ACYP2: variants seen among roughly 807,000 people sequenced by gnomAD.
ACYP2 encodes acylphosphatase-2.
ACYP2 carries 12 observed loss-of-function variants against 11.2 expected under a neutral mutation model. The ratio of observed to expected loss-of-function variants is 1.08; its 90% CI spans 0.69 to 1.74. ACYP2 has a LOEUF of 1.74. Ranked by LOEUF, ACYP2 falls within the 40% of genes most tolerant of loss-of-function variation. ACYP2 has a pLI of 0.00. For missense variants in ACYP2, 134 were observed against 101.9 expected (o/e 1.31, Z -1.35); for synonymous variants, 43 against 32.2 (o/e 1.33, Z -1.13).
chr2:54,000,462 C>G (rs1288267468), intron 2 of ACYP2, among the ~76,000 whole-genome samples: 2 of 152,270 alleles, frequency 1.3e-5, no homozygotes, highest in South Asian at 2.1e-4. Context: ...TTTGAATTCT[C>G]CATTTCTAAG....
At chr2:54,255,248 G>A (rs1687439522) in intron 6 of ACYP2, 3 of 1,614,052 alleles carry the variant, frequency 1.9e-6, no homozygotes, top group East Asian at 2.2e-5. Context: ...CTGAAGTAAG[G>A]GTTTCTTTGA....
At chr2:54,096,063 C>G (rs1462060770) in intron 4 of ACYP2, among the ~76,000 whole-genome samples, 3 of 133,788 alleles carry the variant, frequency 2.2e-5, no homozygotes, top group African/African-American at 8.6e-5. Flanking sequence ...CTGACCCCCA[C>G]CTCCCTCCCG....
intron 4 of ACYP2, among the ~76,000 whole-genome samples, chr2:54,097,402 T>C (rs1041914450): frequency 1.2e-4 from 19 of 152,372 alleles, no homozygotes; most frequent in Non-Finnish European, 2.1e-4. Context: ...TAAGTATTCA[T>C]TGAATAAATG....
chr2:54,224,575 G>A (rs1443898288), intron 6 of ACYP2, among the ~76,000 whole-genome samples: 1 of 152,216 alleles, frequency 6.6e-6, no homozygotes, highest in Admixed American at 6.5e-5. Flanking sequence ...ATGTAAAATA[G>A]GTGAAGGGTG....
intron 6 of ACYP2, among the ~76,000 whole-genome samples, chr2:54,277,285 C>T (rs565224369): frequency 1.3e-5 from 2 of 152,328 alleles, no homozygotes; most frequent in Non-Finnish European, 1.5e-5. Flanking sequence ...CCTTTTCCCT[C>T]CTAGGAGACA....
chr2:54,065,224 C>T (rs75833613), intron 4 of ACYP2, among the ~76,000 whole-genome samples: 15,857 of 152,080 alleles, frequency 0.1, 950 homozygotes, highest in East Asian at 0.28. Flanking sequence ...CATTTGAAAT[C>T]GTTATTACTG....
intron 4 of ACYP2, among the ~76,000 whole-genome samples, chr2:54,074,087 C>A (rs1677202236): frequency 6.6e-6 from 1 of 152,142 alleles, no homozygotes; most frequent in African/African-American, 2.4e-5. Flanking sequence ...TACCTGTAAT[C>A]CCAGCACTTT....
At chr2:54,001,549 A>G (rs1672802805) in intron 2 of ACYP2, among the ~76,000 whole-genome samples, 1 of 152,106 alleles carries the variant, frequency 6.6e-6, no homozygotes, top group Non-Finnish European at 1.5e-5. Flanking sequence ...GCATGCCACC[A>G]AGCCCAGCTG....
chr2:53,999,688 C>T (rs1672718657), intron 2 of ACYP2, among the ~76,000 whole-genome samples: 2 of 152,106 alleles, frequency 1.3e-5, no homozygotes. Flanking sequence ...AAATTAATCC[C>T]CTGGTCTATT....
chr2:54,069,471 G>C (rs1676907967), intron 4 of ACYP2, among the ~76,000 whole-genome samples: 1 of 151,946 alleles, frequency 6.6e-6, no homozygotes, highest in Non-Finnish European at 1.5e-5. Flanking sequence ...GACCATCTTT[G>C]CTAACACGGT....
chr2:54,266,113 G>T (rs10205866), intron 6 of ACYP2, among the ~76,000 whole-genome samples: 1 of 151,996 alleles, frequency 6.6e-6, no homozygotes, highest in African/African-American at 2.4e-5. Flanking sequence ...GGTCAAAAAG[G>T]AAATAAATAA....
chr2:54,300,798 A>G (rs966731631), intron 6 of ACYP2, among the ~76,000 whole-genome samples: 9 of 152,202 alleles, frequency 5.9e-5, no homozygotes, highest in African/African-American at 7.2e-5. Flanking sequence ...AAGCTGTACA[A>G]TTTTGCACTC....
In ACYP2 at chr2:53,974,923, C is replaced by T. The variant is rs542108161; in HGVS notation, c.62+1113C>T. Among the ~76,000 whole-genome samples the T allele has an allele frequency of 3.1e-4, 47 of 152,202 alleles. No individual in the cohort carries two copies. In the South Asian group the frequency reaches 3.9e-3, roughly 13 times the overall value. ...TAATAGGGAAGGAGAAGAGAGATGT[C>T]AAGACACTTACATGCTGATGAGCTA... On this transcript the variant is annotated intron_variant, in intron 2 of 6. Transcript: ENST00000607452.
intron 4 of ACYP2, among the ~76,000 whole-genome samples, chr2:54,126,621 A>G (rs1572815453): frequency 6.7e-6 from 1 of 149,346 alleles, no homozygotes; most frequent in East Asian, 1.9e-4. Flanking sequence ...AAAAAAGCAT[A>G]AAACAAATTA....
chr2:54,008,860 T>C (rs1269613055), intron 2 of ACYP2, among the ~76,000 whole-genome samples: 1 of 152,014 alleles, frequency 6.6e-6, no homozygotes, highest in Non-Finnish European at 1.5e-5. Flanking sequence ...GTCAAAAAAA[T>C]ATTTCAGGCA....
chr2:54,085,492 T>C (rs1300595973), intron 4 of ACYP2, among the ~76,000 whole-genome samples: 1 of 152,240 alleles, frequency 6.6e-6, no homozygotes, highest in Non-Finnish European at 1.5e-5. Flanking sequence ...AATGTGTATA[T>C]AGCTCACATT....
chr2:54,153,321 G>T (rs1003204814), intron 6 of ACYP2, among the ~76,000 whole-genome samples: 1 of 151,780 alleles, frequency 6.6e-6, no homozygotes, highest in East Asian at 1.9e-4. Flanking sequence ...TCTCTATCCT[G>T]TTCCATTGGA....
intron 2 of ACYP2, among the ~76,000 whole-genome samples, chr2:54,013,165 C>G (rs1673473252): frequency 7.6e-6 from 1 of 130,762 alleles, no homozygotes; most frequent in Non-Finnish European, 1.6e-5. Context: ...CACCTGCCCC[C>G]ACCCCCCGCC....
At chr2:54,133,754 C>T (rs1039891831) in intron 4 of ACYP2, among the ~76,000 whole-genome samples, 1 of 152,124 alleles carries the variant, frequency 6.6e-6, no homozygotes, top group Non-Finnish European at 1.5e-5. Flanking sequence ...GAAGGCCTTC[C>T]CTTTCACTAA....
Sources: gnomAD v4.1 joint callset for allele counts (sites outside exome capture counted in the v4.1 genomes callset) on GRCh38, gnomAD v4.1.1 for gene constraint, MANE v1.5 for transcripts, NCBI Gene and HGNC (gene_info 2026-07-23, HGNC 2026-07-21) for gene names.